Variants in ADAM28 observed in about 807,000 individuals in gnomAD.
ADAM28 encodes ADAM metallopeptidase domain 28, also known as disintegrin and metalloproteinase domain-containing protein 28.
A neutral mutation model predicts 101.2 loss-of-function variants in ADAM28; 105 were observed. The observed-to-expected ratio is 1.04, with a 90% CI of 0.89 to 1.22. ADAM28 has a LOEUF of 1.22. Ranked by LOEUF, ADAM28 falls within the 50% of genes most tolerant of loss-of-function variation. The probability of loss-of-function intolerance (pLI) is 0.00; values close to 1 mark genes in which losing one functional copy is unlikely to be tolerated. For missense variants in ADAM28, 1,028 were observed against 945.4 expected, an observed-to-expected ratio of 1.09 and a Z score of -1.15; for synonymous variants, 322 against 310.6, an observed-to-expected ratio of 1.04 and a Z score of -0.39.
intron 2 of ADAM28, among the ~76,000 whole-genome samples, chr8:24,305,624 A>G (rs1234272681): frequency 6.6e-6 from 1 of 152,030 alleles, no homozygotes; most frequent in Non-Finnish European, 1.5e-5. Flanking sequence ...AGGAAATAAG[A>G]GTATTAAATA....
chr8:24,341,324 C>T, intron 15 of ADAM28: 1 of 310,268 alleles, frequency 3.2e-6, no homozygotes, highest in Non-Finnish European at 5.8e-6. Context: ...AGAATTTGTG[C>T]TTAAGATTCT....
chr8:24,342,043 A>C (rs1199061293), intron 16 of ADAM28, among the ~76,000 whole-genome samples: 2 of 152,214 alleles, frequency 1.3e-5, no homozygotes, highest in Non-Finnish European at 2.9e-5. Context: ...TCATATCGTC[A>C]TGCAGATAAC....
At chr8:24,328,885 C>T (rs1812973224) in intron 10 of ADAM28, among the ~76,000 whole-genome samples, 1 of 151,270 alleles carries the variant, frequency 6.6e-6, no homozygotes, top group African/African-American at 2.4e-5. Context: ...GGCACCATTA[C>T]ACTCCAGTTT....
At chr8:24,352,124 A>C in intron 21 of ADAM28, 72 bp downstream of exon 21, 2 of 1,267,988 alleles carry the variant, frequency 1.6e-6, no homozygotes, top group Non-Finnish European at 2.3e-6. Context: ...GTCATAGCCC[A>C]CAACACTTCA....
At position 24,311,126 on chromosome 8, in the gene ADAM28, C is replaced by A. The variant is rs572180143; in HGVS notation, c.307-235C>A. On this transcript the variant is annotated intron_variant, in intron 4 of 22. Transcript: ENST00000265769. ...CTAAGTATTATTGACATTCATCCTA[C>A]TTAGTCAACATTGACAGTTAATACC... 2.0e-5 allele frequency among the ~76,000 whole-genome samples: 3 copies of A among 152,308 alleles called. No homozygotes were observed. In the East Asian group the frequency reaches 5.8e-4, roughly 29 times the overall value.
rs1320584317 is a variant in ADAM28, at chr8:24,354,931, ATAAC to A, written c.*531_*534del. 6.6e-6 allele frequency: 1 copy of A among 152,570 alleles called. No homozygotes were observed. Among genetic ancestry groups the A allele is most frequent in the African/African-American group, 2.4e-5 (1 of 41,446 alleles). 9.5% of individuals were successfully genotyped at this position (152,570 alleles called of 1,614,324 possible). A position where few individuals can be genotyped will look rare whatever the true frequency, so the allele number is the denominator to read the frequency against. ...CATTTGAGGTTTTCTACAATTTGGT[ATAAC>A]TAAGAATTTAAAAATGTTTTATCAT... On this transcript the variant is annotated 3_prime_UTR_variant, in exon 23 of 23. Coordinates refer to ENST00000265769, the MANE Select transcript of ADAM28 (RefSeq NM_014265.6).
chr8:24,326,561 G>C lies in ADAM28; in HGVS notation c.898G>C (p.Glu300Gln). The C allele has an allele frequency of 3.7e-6, 6 of 1,611,652 alleles. No individual in the cohort carries two copies. Among genetic ancestry groups the C allele is most frequent in the Non-Finnish European group, 5.1e-6 (6 of 1,178,496 alleles). ...TTTATTCCTTTCTTGCAGAGCAACA[G>C]AACTTGCTGGAACGACTGTGGGTCT... ...HDIAQLITAT[E>Q]LAGTTVGLAF... The change falls in exon 10 of 23, where the codon GAA becomes CAA. Residue 300 changes from glutamate (E) to glutamine (Q), a missense_variant. By Grantham distance (29) the Glu-to-Gln change is conservative (BLOSUM62 2). Coordinates refer to ENST00000265769, the MANE Select transcript of ADAM28 (RefSeq NM_014265.6).
At chr8:24,306,359 A>AATAAATATATATATATATATATATATTT (rs1809636999) in intron 2 of ADAM28, among the ~76,000 whole-genome samples, 1 of 105,920 alleles carries the variant, frequency 9.4e-6, no homozygotes, top group African/African-American at 4.1e-5. Flanking sequence ...CAAATAAATA[A>AATAAATATATATATATATATATATATTT]ATAAATATAT....
intron 2 of ADAM28, among the ~76,000 whole-genome samples, chr8:24,306,502 C>T (rs912138403): frequency 5.3e-5 from 8 of 150,702 alleles, no homozygotes; most frequent in East Asian, 2.0e-4. Context: ...TTTCCTTAGT[C>T]GCTGATCTCT....
chr8:24,337,482 C>T (rs1465982038), intron 14 of ADAM28, among the ~76,000 whole-genome samples: 2 of 152,224 alleles, frequency 1.3e-5, no homozygotes, highest in Non-Finnish European at 2.9e-5. Context: ...CTTCCTGGAA[C>T]AGGGACATTG....
chr8:24,309,759 A>C (rs573062960), intron 2 of ADAM28, 135 bp from the exon 3 acceptor site: 2 of 621,192 alleles, frequency 3.2e-6, no homozygotes, highest in Admixed American at 6.2e-5. Context: ...TGATCTGTCA[A>C]GAGGGGAAGA....
At chr8:24,341,441 G>A (rs1167822585) in intron 15 of ADAM28, 157 bp from the exon 16 acceptor site, 1 of 712,592 alleles carries the variant, frequency 1.4e-6, no homozygotes, top group Non-Finnish European at 2.4e-6. Context: ...TAACGTTCAG[G>A]CATCCTATTA....
chr8:24,353,913 G>A, intron 22 of ADAM28, 81 bp downstream of exon 22: 1 of 998,328 alleles, frequency 1.0e-6, no homozygotes. Flanking sequence ...TGTCTTTTTA[G>A]AAAAAAACTT....
At chr8:24,342,678 A>C (rs1814920771) in intron 16 of ADAM28, among the ~76,000 whole-genome samples, 1 of 152,120 alleles carries the variant, frequency 6.6e-6, no homozygotes, top group African/African-American at 2.4e-5. Context: ...TCTAGTGCTG[A>C]AGCCTTTAAA....
chr8:24,296,187 CT>C (rs762358677), intron 1 of ADAM28: 2 of 152,280 alleles, frequency 1.3e-5, no homozygotes, highest in Non-Finnish European at 2.9e-5. Context: ...GGGTACAGCA[CT>C]TTTTGAAATT....
intron 2 of ADAM28, among the ~76,000 whole-genome samples, chr8:24,303,995 CT>C (rs963388976): frequency 2.0e-5 from 3 of 151,370 alleles, no homozygotes; most frequent in Non-Finnish European, 4.4e-5. Context: ...GTGTTTTTTT[CT>C]CACAGTAAAC....
intron 14 of ADAM28, among the ~76,000 whole-genome samples, chr8:24,336,806 A>G (rs1814151205): frequency 6.6e-6 from 1 of 152,054 alleles, no homozygotes; most frequent in Non-Finnish European, 1.5e-5. Context: ...TTTAAAAACC[A>G]GTTATTTGGA....
At chr8:24,352,350 CAG>C (rs1451936165) in intron 21 of ADAM28, among the ~76,000 whole-genome samples, 3 of 152,162 alleles carry the variant, frequency 2.0e-5, no homozygotes, top group Non-Finnish European at 4.4e-5. Context: ...GCTTAAACAA[CAG>C]ATATTTACTT....
intron 6 of ADAM28, among the ~76,000 whole-genome samples, chr8:24,315,121 C>G (rs1418922008): frequency 6.6e-6 from 1 of 151,766 alleles, no homozygotes; most frequent in Non-Finnish European, 1.5e-5. Context: ...ATTTTCCAAT[C>G]AAAAGATAAA....
Sources: gnomAD v4.1 joint callset for allele counts (sites outside exome capture counted in the v4.1 genomes callset) on GRCh38, gnomAD v4.1.1 for gene constraint, MANE v1.5 for transcripts, NCBI Gene and HGNC (gene_info 2026-07-23, HGNC 2026-07-21) for gene names.